The following GRHL3 variants were observed in gnomAD, a reference collection of about 807,000 sequenced individuals.
GRHL3 encodes grainyhead-like protein 3 homolog.
In GRHL3, 20 loss-of-function variants were observed where a neutral mutation model predicts 70.3. That is an observed-to-expected ratio of 0.28 (90% CI 0.20 to 0.41). GRHL3 has a LOEUF of 0.41. GRHL3 is among the 10% of genes least tolerant of loss of function. The pLI, the probability that GRHL3 is intolerant of heterozygous loss-of-function variation, is 1.00. For synonymous variants in GRHL3, 299 were observed against 299.9 expected (o/e 1.00, Z 0.03); for missense variants, 637 against 762.3 (o/e 0.84, Z 1.94).
chr1:24,361,981 A>T (rs1169566100), intron 15 of GRHL3, among the ~76,000 whole-genome samples: 1 of 152,126 alleles, frequency 6.6e-6, no homozygotes, highest in East Asian at 1.9e-4. Flanking sequence ...TACTCTCCCA[A>T]CCATGTAATA....
chr1:24,354,480 G>GAGC lies in GRHL3; in HGVS notation c.1802_1804dup (p.Glu601_Leu602insGln). ...CGGCAAAATTCAGATCATCCTTAAG[G>GAGC]AGCTGTAAGGCCTCTCGAGCATCCA... On this transcript the variant is annotated inframe_insertion, in exon 16 of 16. Transcript: ENST00000361548. 1 of 1,609,128 alleles carries GAGC rather than the reference G, an allele frequency of 6.2e-7. No homozygotes were observed. Among genetic ancestry groups the GAGC allele is most frequent in the Non-Finnish European group, 8.5e-7 (1 of 1,175,528 alleles).
intron 7 of GRHL3, among the ~76,000 whole-genome samples, chr1:24,338,326 G>A (rs929843517): frequency 1.3e-5 from 2 of 152,208 alleles, no homozygotes; most frequent in African/African-American, 4.8e-5. Flanking sequence ...CCCTAGCAGT[G>A]TGAGATAAAT....
At chr1:24,362,069 C>T (rs181542524) in intron 15 of GRHL3, among the ~76,000 whole-genome samples, 3 of 152,298 alleles carry the variant, frequency 2.0e-5, no homozygotes, top group Admixed American at 1.3e-4. Context: ...GGAGGTTCTC[C>T]GCACTGAATG....
chr1:24,326,078 C>A (rs534373221), intron 1 of GRHL3, among the ~76,000 whole-genome samples: 39 of 152,292 alleles, frequency 2.6e-4, no homozygotes, highest in Non-Finnish European at 4.6e-4. Flanking sequence ...GTTGTAAGAT[C>A]AGAGGTGATG....
chr1:24,326,238 G>A (rs769353828), intron 1 of GRHL3, among the ~76,000 whole-genome samples: 8 of 152,152 alleles, frequency 5.3e-5, no homozygotes, highest in Admixed American at 1.3e-4. Flanking sequence ...CACAGTAGGC[G>A]GACAAGCTCT....
intron 4 of GRHL3, 118 bp from the exon 5 acceptor site, chr1:24,336,960 G>A (rs1021891931): frequency 8.1e-7 from 1 of 1,230,382 alleles, no homozygotes; most frequent in Non-Finnish European, 1.2e-6. Flanking sequence ...GGATTGCCAT[G>A]TACTATTGTC....
Position 24,354,713 on chromosome 1 carries a change from C to T in GRHL3, c.*225C>T. The T allele has an allele frequency of 4.3e-6, 2 of 459,828 alleles. No homozygotes were observed. The highest frequency in any genetic ancestry group is 5.2e-5 in the South Asian group (2 of 38,530). The allele number at this position is 459,828 out of a possible 1,614,324, so 28.5% of individuals were successfully genotyped here. On this transcript the variant is annotated 3_prime_UTR_variant, in exon 16 of 16. Transcript: ENST00000361548. ...ATGCTTGAATCTGCTCCCTGAACTT[C>T]CTGCCAGTGCCTCCCCGTACCCCAA...
At chr1:24,333,524 A>G (rs1418002806) in intron 2 of GRHL3, among the ~76,000 whole-genome samples, 1 of 152,196 alleles carries the variant, frequency 6.6e-6, no homozygotes, top group African/African-American at 2.4e-5. Context: ...AATTATACTC[A>G]TGAAAGGTCA....
intron 14 of GRHL3, among the ~76,000 whole-genome samples, chr1:24,349,832 G>A (rs527659173): frequency 5.3e-4 from 81 of 152,308 alleles, no homozygotes; most frequent in African/African-American, 1.9e-3. Context: ...ACACACAACC[G>A]TACGTACACA....
intron 2 of GRHL3, among the ~76,000 whole-genome samples, chr1:24,332,782 AG>A (rs1181220772): frequency 4.6e-5 from 7 of 152,342 alleles, no homozygotes; most frequent in African/African-American, 1.7e-4. Context: ...TCAAGAATAA[AG>A]GCAAATTCTT....
At chr1:24,343,065 G>A (rs1357297172) in intron 11 of GRHL3, 40 bp downstream of exon 11, 2 of 1,613,118 alleles carry the variant, frequency 1.2e-6, no homozygotes, top group East Asian at 2.2e-5. Flanking sequence ...AGCCGAGAGA[G>A]GGTCCTGGCT....
At chr1:24,323,003 C>T in intron 1 of GRHL3, 1 of 1,374,126 alleles carries the variant, frequency 7.3e-7, no homozygotes, top group Non-Finnish European at 1.0e-6. Flanking sequence ...ATAGGCCACC[C>T]CGCTTCCTCT....
At position 24,322,256 on chromosome 1, in the gene GRHL3, C is replaced by A. The variant is rs770619142; in HGVS notation, c.17+2688C>A. On this transcript the variant is annotated intron_variant, in intron 1 of 15. Coordinates refer to ENST00000361548, the MANE Select transcript of GRHL3 (RefSeq NM_198173.3). The surrounding 1 kb of genome is among the most constrained non-coding windows in gnomAD (Gnocchi z 4.4). Reference sequence around the variant, plus strand: ...GCCCCACCGCTGCCGCCTGGAGTCTCCCCTCAGCCTCGCAGAGACGCGACT... The same window carrying A: ...GCCCCACCGCTGCCGCCTGGAGTCTACCCTCAGCCTCGCAGAGACGCGACT... Among the ~76,000 whole-genome samples, 7 of 152,184 alleles carry A rather than the reference C, an allele frequency of 4.6e-5. No individual in the cohort carries two copies. The highest frequency in any genetic ancestry group is 1.0e-4 in the Non-Finnish European group (7 of 68,026).
chr1:24,350,720 T>G (rs1569923094), intron 15 of GRHL3, among the ~76,000 whole-genome samples: 3 of 151,638 alleles, frequency 2.0e-5, no homozygotes, highest in African/African-American at 7.3e-5. Flanking sequence ...TGATTGGGAG[T>G]CATTTTGAGG....
At chr1:24,361,739 G>C (rs551956652) in intron 15 of GRHL3, among the ~76,000 whole-genome samples, 1 of 152,258 alleles carries the variant, frequency 6.6e-6, no homozygotes, top group Admixed American at 6.5e-5. Flanking sequence ...CTTCCAGAAA[G>C]GGAGTCTATC....
At chr1:24,340,789 A>G (rs781415743) in intron 8 of GRHL3, among the ~76,000 whole-genome samples, 54 of 152,120 alleles carry the variant, frequency 3.5e-4, no homozygotes, top group Non-Finnish European at 6.3e-4. Flanking sequence ...GGCAGGGATT[A>G]TTATTATTCA....
chr1:24,330,692 C>T (rs1377071255), intron 1 of GRHL3, among the ~76,000 whole-genome samples: 1 of 152,210 alleles, frequency 6.6e-6, no homozygotes, highest in Non-Finnish European at 1.5e-5. Context: ...TCTGCCTGCT[C>T]CAGAAAGCCT....
intron 1 of GRHL3, among the ~76,000 whole-genome samples, chr1:24,323,482 T>G (rs1342134126): frequency 6.6e-6 from 1 of 152,206 alleles, no homozygotes; most frequent in Non-Finnish European, 1.5e-5. Flanking sequence ...GCAGTGTAGT[T>G]GCTGAGTCAG....
At chr1:24,331,712 C>A in intron 2 of GRHL3, 100 bp downstream of exon 2, 1 of 978,230 alleles carries the variant, frequency 1.0e-6, no homozygotes, top group Non-Finnish European at 1.5e-6. Flanking sequence ...CCCAGCCCCT[C>A]ATCTCTGGGC....
Sources: gnomAD v4.1 joint callset for allele counts (sites outside exome capture counted in the v4.1 genomes callset) on GRCh38, gnomAD v4.1.1 for gene constraint, Gnocchi (gnomAD v3.1) non-coding constraint, MANE v1.5 for transcripts, NCBI Gene and HGNC (gene_info 2026-07-23, HGNC 2026-07-21) for gene names.